The following RSRC2 variants were observed in gnomAD, a reference collection of about 807,000 sequenced individuals.
RSRC2 encodes arginine and serine rich coiled-coil 2, also known as arginine/serine-rich coiled-coil protein 2.
RSRC2 carries 5 observed loss-of-function variants against 61.3 expected under a neutral mutation model. That is an observed-to-expected ratio of 0.08 (90% CI 0.04 to 0.17). RSRC2 has a LOEUF of 0.17. RSRC2 is among the 10% of genes least tolerant of loss of function. The pLI is 1.00. For synonymous variants in RSRC2, 202 were observed against 166.5 expected (o/e 1.21, Z -1.64); for missense variants, 381 against 518.8 (o/e 0.73, Z 2.58).
At chr12:122,515,077 G>T (rs1565896534) in intron 6 of RSRC2, 28 bp downstream of exon 6, 2 of 1,602,558 alleles carry the variant, frequency 1.2e-6, no homozygotes, top group South Asian at 1.1e-5. Flanking sequence ...AGGCGAACTG[G>T]AACAAATGAA....
At position 122,514,356 on chromosome 12, in the gene RSRC2, A is replaced by G. The variant is rs186317606; in HGVS notation, c.725+749T>C. Among the ~76,000 whole-genome samples, 1,278 of 149,278 alleles carry G rather than the reference A, an allele frequency of 8.6e-3. 9 individuals carry two copies. Among genetic ancestry groups the G allele is most frequent in the South Asian group, 0.03 (144 of 4,754 alleles). On this transcript the variant is annotated intron_variant, in intron 6 of 9. Coordinates refer to ENST00000331738, the MANE Select transcript of RSRC2 (RefSeq NM_023012.6). ...CTTGGCTTACTGCAACCTCTGCCTC[A>G]TGGGTTCAAGCGATTCTCGTGCCTC...
chr12:122,524,844 A>T (rs979455848), intron 1 of RSRC2, among the ~76,000 whole-genome samples: 34 of 152,242 alleles, frequency 2.2e-4, no homozygotes, highest in Non-Finnish European at 4.4e-5. Context: ...GTGTACACAT[A>T]AACGTTAACT....
rs538462708 is a variant in RSRC2 at position 122,521,878 on chromosome 12, A to G, written c.163+265T>C. ...AAGCTAGGCGTGGTGGCGCACGCCT[A>G]TAATCCCAGCTACTCAGGAGGCTGA... On this transcript the variant is annotated intron_variant, in intron 2 of 9. Coordinates refer to ENST00000331738, the MANE Select transcript of RSRC2 (RefSeq NM_023012.6). Among the ~76,000 whole-genome samples, 3 of 152,364 alleles carry G rather than the reference A, an allele frequency of 2.0e-5. No individual in the cohort carries two copies. The East Asian group carries it at 5.8e-4, about 29-fold the overall frequency.
chr12:122,522,173 A>T lies in RSRC2; in HGVS notation c.133T>A (p.Ser45Thr). 1 of 1,612,772 alleles carries T rather than the reference A, an allele frequency of 6.2e-7. No individual in the cohort carries two copies. The highest frequency in any genetic ancestry group is 8.5e-7 in the Non-Finnish European group (1 of 1,179,702). ...ASKHHYSRSRSRSRERKRKSD... is the reference protein window; with the variant it reads ...ASKHHYSRSRTRSRERKRKSD... Reference sequence around the variant, plus strand: ...TTTCGTTTTCTTTCTCTTGACCTTGATCGTGATCTTGAATAATGATGTTTT... The same window carrying T: ...TTTCGTTTTCTTTCTCTTGACCTTGTTCGTGATCTTGAATAATGATGTTTT... Residue 45 changes from serine to threonine, a missense_variant, in exon 2 of 10, where the codon TCA (serine) becomes ACA (threonine). Physicochemically the swap from Ser to Thr is moderately conservative, Grantham distance 58 (BLOSUM62 1). Transcript: ENST00000331738.
At chr12:122,513,682 T>A (rs1958699549) in intron 6 of RSRC2, 1 of 458,950 alleles carries the variant, frequency 2.2e-6, no homozygotes, top group Non-Finnish European at 2.9e-6. Context: ...TACGTGTGAC[T>A]ACAACTGGTT....
rs1593345484 is a variant in RSRC2 at position 122,504,662 on chromosome 12, A to T, written c.*865T>A. ...AACAAAAAAAATTTCTAATATTTTA[A>T]TATTTTATAGTCTATGCTGGAGAAG... On this transcript the variant is annotated 3_prime_UTR_variant, in exon 10 of 10. Transcript: ENST00000331738. 6.6e-6 allele frequency: 1 copy of T among 152,664 alleles called. No individual in the cohort carries two copies. The highest frequency in any genetic ancestry group is 1.5e-5 in the Non-Finnish European group (1 of 68,046). 9.5% of individuals were successfully genotyped at this position (152,664 alleles called of 1,614,324 possible). A position where few individuals can be genotyped will look rare whatever the true frequency, so the allele number is the denominator to read the frequency against.
At chr12:122,525,517 G>A (rs529303597) in intron 1 of RSRC2, among the ~76,000 whole-genome samples, 1 of 152,226 alleles carries the variant, frequency 6.6e-6, no homozygotes, top group Non-Finnish European at 1.5e-5. Context: ...GGGTATGGGG[G>A]AAAAAGAAAA....
chr12:122,518,014 C>T (rs1333553097), intron 4 of RSRC2, among the ~76,000 whole-genome samples: 2 of 152,190 alleles, frequency 1.3e-5, no homozygotes, highest in Admixed American at 1.3e-4. Flanking sequence ...TTAAAAATCT[C>T]AGCTGGGCAG....
intron 3 of RSRC2, 93 bp from the exon 4 acceptor site, chr12:122,519,122 T>A: frequency 1.0e-6 from 1 of 952,378 alleles, no homozygotes; most frequent in Non-Finnish European, 1.7e-6. Context: ...TGATGCAACA[T>A]TAGTAACCTT....
At chr12:122,515,083 A>T (rs1958808807) in intron 6 of RSRC2, 22 bp downstream of exon 6, 1 of 1,603,742 alleles carries the variant, frequency 6.2e-7, no homozygotes, top group African/African-American at 1.3e-5. Context: ...ACTGGAACAA[A>T]TGAATTAAGA....
intron 6 of RSRC2, chr12:122,514,722 AT>A: frequency 2.6e-6 from 3 of 1,162,762 alleles, no homozygotes; most frequent in Non-Finnish European, 3.3e-6. Context: ...TGTTTCAGGT[AT>A]TTTGTCTATT....
intron 2 of RSRC2, 93 bp downstream of exon 2, chr12:122,522,050 G>T: frequency 1.5e-6 from 2 of 1,318,232 alleles, no homozygotes; most frequent in Non-Finnish European, 2.1e-6. Flanking sequence ...ACCATGCCCA[G>T]CCAACAAACT....
chr12:122,524,968 T>C (rs2137567363), intron 1 of RSRC2, among the ~76,000 whole-genome samples: 1 of 152,336 alleles, frequency 6.6e-6, no homozygotes, highest in South Asian at 2.1e-4. Flanking sequence ...CAAATCTTTT[T>C]CCACTGCGAA....
At chr12:122,511,911 A>G (rs1180522939) in intron 6 of RSRC2, among the ~76,000 whole-genome samples, 1 of 152,110 alleles carries the variant, frequency 6.6e-6, no homozygotes, top group Non-Finnish European at 1.5e-5. Context: ...GGTTCAAGCG[A>G]TTCTCCTGCC....
chr12:122,509,820 ATTTTTTG>A (rs936219461), intron 7 of RSRC2, among the ~76,000 whole-genome samples: 9 of 152,106 alleles, frequency 5.9e-5, no homozygotes, highest in Non-Finnish European at 7.4e-5. Context: ...CTTCGTGATA[ATTTTTTG>A]TTTTTTGTTT....
intron 3 of RSRC2, 168 bp downstream of exon 3, chr12:122,521,217 C>G (rs1959198835): frequency 2.0e-6 from 1 of 488,776 alleles, no homozygotes; most frequent in Admixed American, 3.5e-5. Flanking sequence ...ACATAAACAT[C>G]TTCTTCAAAA....
At chr12:122,516,179 G>A (rs1434079832) in intron 5 of RSRC2, among the ~76,000 whole-genome samples, 1 of 150,280 alleles carries the variant, frequency 6.7e-6, no homozygotes, top group Non-Finnish European at 1.5e-5. Flanking sequence ...CTTTTTAAAT[G>A]TATGTTTCAA....
chr12:122,514,268 G>T (rs71444558), intron 6 of RSRC2, among the ~76,000 whole-genome samples: 73,289 of 134,632 alleles, frequency 0.54, 20,203 homozygotes, highest in African/African-American at 0.59. Flanking sequence ...GTGTGTGTGT[G>T]TGTTTTTTTT....
Position 122,505,528 on chromosome 12 carries a change from C to A in RSRC2, c.1304G>T (p.Ter435LeuextTer2), listed in dbSNP as rs1290014527. ...TSSMRGMDAV[*>L] ...CAAACTTTACAAGTGTGATCATTTT[C>A]AAACTGCATCCATTCCTCGCATTGA... is the stretch of plus-strand genomic sequence containing the variant. The change falls in exon 10 of 10, where the codon TGA becomes TTA. Residue 435 changes from the stop codon to leucine, a stop_lost. Transcript: ENST00000331738. 1.2e-6 allele frequency: 2 copies of A among 1,612,974 alleles called. No homozygotes were observed. Among genetic ancestry groups the A allele is most frequent in the Non-Finnish European group, 1.7e-6 (2 of 1,179,436 alleles).
Sources: gnomAD v4.1 joint callset for allele counts (sites outside exome capture counted in the v4.1 genomes callset) on GRCh38, gnomAD v4.1.1 for gene constraint, MANE v1.5 for transcripts, NCBI Gene and HGNC (gene_info 2026-07-23, HGNC 2026-07-21) for gene names.